Variants in CSMD3 observed in about 807,000 individuals in gnomAD.
CSMD3 encodes CUB and Sushi multiple domains 3, also known as CUB and sushi domain-containing protein 3.
In CSMD3, 177 loss-of-function variants were observed where a neutral mutation model predicts 435.2. The observed-to-expected ratio is 0.41, with a 90% CI of 0.36 to 0.46. The LOEUF (loss-of-function observed/expected upper bound fraction) is 0.46. Ranked by LOEUF, CSMD3 falls within the 20% of genes least tolerant of loss-of-function variation. The pLI is 0.34. For synonymous variants in CSMD3, 1,656 were observed against 1,520.5 expected, an observed-to-expected ratio of 1.09 and a Z score of -2.07; for missense variants, 4,265 against 4,504.6, an observed-to-expected ratio of 0.95 and a Z score of 1.52.
At chr8:112,431,664 T>C (rs923220961) in intron 32 of CSMD3, among the ~76,000 whole-genome samples, 9 of 152,128 alleles carry the variant, frequency 5.9e-5, no homozygotes, top group Non-Finnish European at 1.0e-4. Flanking sequence ...TGAAATCTAC[T>C]CTCTCTACAA....
chr8:112,452,232 G>A (rs1816364903), intron 32 of CSMD3, among the ~76,000 whole-genome samples: 2 of 152,046 alleles, frequency 1.3e-5, no homozygotes, highest in South Asian at 2.1e-4. Context: ...TGGACTTTTC[G>A]AAACATATTT....
chr8:112,263,630 C>G lies in CSMD3; in HGVS notation c.9862+9G>C, dbSNP rs191837723. The G allele has an allele frequency of 1.2e-4, 191 of 1,612,008 alleles. No homozygotes were observed. In the East Asian group the frequency reaches 1.6e-3, roughly 14 times the overall value. ...TTAAGTAACAGTTGTTAGTAGAAAT[C>G]ATACTTACGTAAGCACTGCGGTACT... On this transcript the variant is annotated intron_variant, in intron 61 of 70. Transcript: ENST00000297405.
Position 112,224,774 on chromosome 8 carries a change from T to A in CSMD3, c.11121A>T (p.Val3707=). The A allele has an allele frequency of 6.2e-7, 1 of 1,614,054 alleles. No individual in the cohort carries two copies. Among genetic ancestry groups the A allele is most frequent in the East Asian group, 2.2e-5 (1 of 44,866 alleles). The change falls in exon 71 of 71, where the codon GTA becomes GTT. Residue 3707 remains valine, a synonymous_variant. Transcript: ENST00000297405. ...DPNLNTVCTM[V] ...GAAGAAGGCAAAGGTTGCCTCGTTA[T>A]ACCATTGTGCAAACCGTGTTCAAGT...
intron 38 of CSMD3, among the ~76,000 whole-genome samples, chr8:112,375,062 A>G (rs547094955): frequency 6.6e-6 from 1 of 152,288 alleles, no homozygotes; most frequent in Non-Finnish European, 1.5e-5. Context: ...AAAACACACC[A>G]ATGTATCATT....
At chr8:113,425,373 G>A (rs1429529060) in intron 1 of CSMD3, among the ~76,000 whole-genome samples, 4 of 151,020 alleles carry the variant, frequency 2.6e-5, no homozygotes, top group African/African-American at 9.7e-5. Context: ...TTCTTTTTAG[G>A]CCTTTGTGAA....
chr8:112,377,777 T>C (rs1013148732), intron 38 of CSMD3, among the ~76,000 whole-genome samples: 2 of 152,050 alleles, frequency 1.3e-5, no homozygotes, highest in Admixed American at 6.6e-5. Context: ...GCAAAAAAAG[T>C]ATTTGAATGT....
intron 12 of CSMD3, among the ~76,000 whole-genome samples, chr8:112,814,354 T>C (rs1007796699): frequency 6.6e-6 from 1 of 152,172 alleles, no homozygotes; most frequent in African/African-American, 2.4e-5. Flanking sequence ...CCTGGTCTTC[T>C]CTCTTATAAT....
At chr8:112,421,809 AT>A (rs1812542825) in intron 32 of CSMD3, among the ~76,000 whole-genome samples, 1 of 151,574 alleles carries the variant, frequency 6.6e-6, no homozygotes, top group Non-Finnish European at 1.5e-5. Flanking sequence ...AATAAAAAAC[AT>A]TTTTAAAAGG....
chr8:112,912,881 CAATT>C (rs2082465033), intron 10 of CSMD3, among the ~76,000 whole-genome samples: 1 of 151,850 alleles, frequency 6.6e-6, no homozygotes, highest in Non-Finnish European at 1.5e-5. Context: ...GAAAACAACT[CAATT>C]AAGAATGGAC....
chr8:113,159,120 A>C (rs2091989828), intron 4 of CSMD3, among the ~76,000 whole-genome samples: 1 of 151,884 alleles, frequency 6.6e-6, no homozygotes, highest in African/African-American at 2.4e-5. Context: ...GTTTACAAAT[A>C]TTTTTGTTCA....
intron 53 of CSMD3, among the ~76,000 whole-genome samples, chr8:112,301,566 C>G (rs555863095): frequency 2.6e-5 from 4 of 152,146 alleles, no homozygotes; most frequent in Admixed American, 2.6e-4. Flanking sequence ...TTCACCATGC[C>G]TGGAAGAAAA....
chr8:113,019,244 A>G, intron 5 of CSMD3, 65 bp from the exon 6 acceptor site: 1 of 983,300 alleles, frequency 1.0e-6, no homozygotes, highest in Non-Finnish European at 1.6e-6. Context: ...GTTTTCACAA[A>G]ATTGGGACCA....
chr8:112,852,222 TTAAAAA>T (rs1380509832), intron 11 of CSMD3, among the ~76,000 whole-genome samples: 1 of 152,154 alleles, frequency 6.6e-6, no homozygotes, highest in Non-Finnish European at 1.5e-5. Flanking sequence ...AACACCAAAC[TTAAAAA>T]TAAATCCCAA....
chr8:113,002,919 A>G (rs2085917003), intron 6 of CSMD3, among the ~76,000 whole-genome samples: 1 of 152,072 alleles, frequency 6.6e-6, no homozygotes, highest in African/African-American at 2.4e-5. Context: ...CATTTAGAGC[A>G]TAAGTTTATT....
At chr8:113,292,182 G>C (rs944503460) in intron 2 of CSMD3, among the ~76,000 whole-genome samples, 33 of 151,668 alleles carry the variant, frequency 2.2e-4, no homozygotes, top group African/African-American at 8.0e-4. Flanking sequence ...TGGAATAGAA[G>C]AATGATAGAA....
At chr8:113,426,875 C>T (rs2094638471) in intron 1 of CSMD3, among the ~76,000 whole-genome samples, 1 of 151,420 alleles carries the variant, frequency 6.6e-6, no homozygotes, top group African/African-American at 2.4e-5. Context: ...CGTAAATGTA[C>T]CTTTATCTGG....
intron 4 of CSMD3, among the ~76,000 whole-genome samples, chr8:113,120,703 A>G (rs932605491): frequency 6.6e-6 from 1 of 152,140 alleles, no homozygotes; most frequent in South Asian, 2.1e-4. Context: ...TGAGCTGTGT[A>G]TTCTTCCTCT....
At chr8:112,920,749 T>C (rs1174509970) in intron 10 of CSMD3, among the ~76,000 whole-genome samples, 1 of 151,850 alleles carries the variant, frequency 6.6e-6, no homozygotes, top group Non-Finnish European at 1.5e-5. Context: ...ACATTTGAAC[T>C]CCCATGTTAA....
rs556891715 is a variant in CSMD3 at position 112,661,395 on chromosome 8, G to A, written c.2816+4882C>T. The stretch of plus-strand genomic sequence containing the variant: ...GAGGCCTATATTGGCCTGTTGGAAG[G>A]ACAGCAGATGCATGCTAAGAATTTT... On this transcript the variant is annotated intron_variant, in intron 17 of 70. Coordinates refer to ENST00000297405, the MANE Select transcript of CSMD3 (RefSeq NM_198123.2). 2.0e-5 allele frequency among the ~76,000 whole-genome samples: 3 copies of A among 152,262 alleles called. No individual in the cohort carries two copies. The South Asian group carries it at 6.2e-4, about 32-fold the overall frequency.
Sources: allele counts gnomAD v4.1 joint callset (sites outside exome capture counted in the v4.1 genomes callset), GRCh38; gene constraint gnomAD v4.1.1; transcripts MANE v1.5; gene names NCBI Gene and HGNC (gene_info 2026-07-23, HGNC 2026-07-21).